CIAO3: variants seen among roughly 807,000 people sequenced by gnomAD.
CIAO3 encodes the protein cytosolic iron-sulfur assembly component 3, also known as LET1 like/JFP15.
A neutral mutation model predicts 51.5 loss-of-function variants in CIAO3; 45 were observed. That is an observed-to-expected ratio of 0.87 (90% CI 0.69 to 1.12). The LOEUF is 1.12. Among genes scored for constraint, CIAO3 ranks in the 50% most tolerant of loss-of-function variants. The probability of loss-of-function intolerance (pLI) is 0.00; values close to 1 mark genes in which losing one functional copy is unlikely to be tolerated. For synonymous variants in CIAO3, 314 were observed against 269.3 expected, an observed-to-expected ratio of 1.17 and a Z score of -1.63; for missense variants, 668 against 632.5, an observed-to-expected ratio of 1.06 and a Z score of -0.60.
intron 2 of CIAO3, chr16:739,267 C>G (rs897844192): frequency 4.3e-6 from 1 of 230,928 alleles, no homozygotes; most frequent in African/African-American, 2.3e-5. Flanking sequence ...CCACTGCACT[C>G]CAGCCTGGGC....
chr16:734,948 A>G (rs1596673043), intron 4 of CIAO3, 77 bp from the exon 5 acceptor site: 7 of 1,457,382 alleles, frequency 4.8e-6, no homozygotes, highest in Non-Finnish European at 4.5e-6. Flanking sequence ...GTGGACCACC[A>G]TGGTGCTGCC....
At chr16:739,437 G>C in intron 2 of CIAO3, 1 of 604,812 alleles carries the variant, frequency 1.7e-6, no homozygotes, top group Non-Finnish European at 3.0e-6. Context: ...AGCAGATCAA[G>C]CTGTTTGGCC....
At position 737,279 on chromosome 16, in the gene CIAO3, GCA is replaced by G. The variant is rs773663542; in HGVS notation, c.211_212del (p.Cys71ProfsTer30). The stretch of plus-strand genomic sequence containing the variant: ...AGGTGATGCAGCCGCTGCACGCCAG[GCA>G]GTCGTTTAGCGAGACCTTGGCCTTC... ...LEKAKVSLND[C>X]LACSGCITSA... On this transcript the variant is annotated frameshift_variant, in exon 3 of 11. Coordinates refer to ENST00000251588, the MANE Select transcript of CIAO3 (RefSeq NM_022493.3). LOFTEE classifies it high-confidence loss of function. This position sits in a 1 kb window ranked among gnomAD's most constrained non-coding sequence, Gnocchi z 5.3. 13 of 1,613,348 alleles carry G rather than the reference GCA, an allele frequency of 8.1e-6. No individual in the cohort carries two copies. The highest frequency in any genetic ancestry group is 1.1e-5 in the Non-Finnish European group (13 of 1,180,024).
chr16:730,760 C>A, intron 10 of CIAO3, 83 bp downstream of exon 10: 2 of 1,584,508 alleles, frequency 1.3e-6, no homozygotes, highest in South Asian at 1.1e-5. Flanking sequence ...GCCCCACTTC[C>A]TCCCACTCCC....
chr16:736,081 G>A (rs906755897), intron 4 of CIAO3, among the ~76,000 whole-genome samples, 185 bp downstream of exon 4: 3 of 152,194 alleles, frequency 2.0e-5, no homozygotes, highest in Non-Finnish European at 4.4e-5. Context: ...TGTTCTGTGA[G>A]AAGGCCCTGC....
At chr16:735,745 G>C (rs546667662) in intron 4 of CIAO3, among the ~76,000 whole-genome samples, 1 of 152,214 alleles carries the variant, frequency 6.6e-6, no homozygotes, top group Non-Finnish European at 1.5e-5. Flanking sequence ...CAGGCAGTCT[G>C]CTGGTTACAA....
chr16:736,278 A>T lies in CIAO3; in HGVS notation c.427T>A (p.Phe143Ile). The T allele has an allele frequency of 6.2e-7, 1 of 1,612,776 alleles. No individual in the cohort carries two copies. The highest frequency in any genetic ancestry group is 8.5e-7 in the Non-Finnish European group (1 of 1,179,754). ...TDTARKLTSFFKKIGVHFVFD... is the reference protein window; with the variant it reads ...TDTARKLTSFIKKIGVHFVFD... ...GTTCAAAGCCTACCTATTTTTTTAA[A>T]GAATGAGGTTAATTTCCTGGCAGTA... The change falls in exon 4 of 11, where the codon TTT becomes ATT. Residue 143 changes from phenylalanine (F) to isoleucine (I), a missense_variant. Coordinates refer to ENST00000251588, the MANE Select transcript of CIAO3 (RefSeq NM_022493.3).
At chr16:733,134 A>T in intron 7 of CIAO3, 164 bp downstream of exon 7, 1 of 868,454 alleles carries the variant, frequency 1.2e-6, no homozygotes, top group Non-Finnish European at 1.7e-6. Context: ...AAATGGGCCC[A>T]CCTGGCTCCA....
intron 7 of CIAO3, chr16:732,982 G>C: frequency 2.7e-6 from 1 of 366,448 alleles, no homozygotes. Flanking sequence ...GGGGCTGCTC[G>C]ACTCAGGAAT....
At position 732,427 on chromosome 16, in the gene CIAO3, T is replaced by A. The variant is rs1373272196; in HGVS notation, c.824-54A>T. 14 of 1,594,128 alleles carry A rather than the reference T, an allele frequency of 8.8e-6. No individual in the cohort carries two copies. In the African/African-American group the frequency reaches 1.9e-4, roughly 21 times the overall value. On this transcript the variant is annotated intron_variant, in intron 7 of 10. Coordinates refer to ENST00000251588, the MANE Select transcript of CIAO3 (RefSeq NM_022493.3). ...TTTAGCGGAGATCCCAGCAACAAAG[T>A]CAGAGAACATCCAAGCCACCTGCAT...
intron 7 of CIAO3, 167 bp downstream of exon 7, chr16:733,131 C>T: frequency 1.2e-6 from 1 of 836,654 alleles, no homozygotes; most frequent in East Asian, 2.7e-5. Context: ...TGCAAATGGG[C>T]CCACCTGGCT....
Position 737,281 on chromosome 16 carries a change from A to G in CIAO3, c.211T>C (p.Cys71Arg), listed in dbSNP as rs1217331092. 1.1e-5 allele frequency: 17 copies of G among 1,613,324 alleles called. No individual in the cohort carries two copies. Among genetic ancestry groups the G allele is most frequent in the Non-Finnish European group, 1.4e-5 (16 of 1,179,992 alleles). Residue 71 changes from cysteine to arginine, a missense_variant, in exon 3 of 11, where the codon TGC (cysteine) becomes CGC (arginine). Transcript: ENST00000251588. The surrounding 1 kb of genome is among the most constrained non-coding windows in gnomAD (Gnocchi z 5.3). ...LEKAKVSLND[C>R]LACSGCITSA... is the part of the protein sequence containing the mutation. ...GTGATGCAGCCGCTGCACGCCAGGC[A>G]GTCGTTTAGCGAGACCTTGGCCTTC... is the stretch of plus-strand genomic sequence containing the variant.
intron 7 of CIAO3, 31 bp downstream of exon 7, chr16:733,267 G>C (rs758430374): frequency 6.2e-7 from 1 of 1,610,450 alleles, no homozygotes; most frequent in Non-Finnish European, 8.5e-7. Context: ...CAGGAGGCTT[G>C]AGGGCTCAGG....
In CIAO3 at chr16:737,499, C is replaced by G; in HGVS notation, c.163-170G>C. 6.6e-7 allele frequency: 1 copy of G among 1,524,600 alleles called. No homozygotes were observed. The highest frequency in any genetic ancestry group is 8.8e-7 in the Non-Finnish European group (1 of 1,139,982). The allele number at this position is 1,524,600 out of a possible 1,614,324, so 94.4% of individuals were successfully genotyped here. ...TGTATTACAAAAATGCACACGCACG[C>G]TCTACAGTTTCATAATGCCGTCAAG... On this transcript the variant is annotated intron_variant, in intron 2 of 10. Coordinates refer to ENST00000251588, the MANE Select transcript of CIAO3 (RefSeq NM_022493.3). This position sits in a 1 kb window ranked among gnomAD's most constrained non-coding sequence, Gnocchi z 5.3.
chr16:735,323 G>A, intron 4 of CIAO3: 1 of 162,016 alleles, frequency 6.2e-6, no homozygotes, highest in Non-Finnish European at 1.3e-5. Flanking sequence ...CCTGGAACAC[G>A]CCAGCCAGCT....
Position 737,471 on chromosome 16 carries a change from G to A in CIAO3, c.163-142C>T, listed in dbSNP as rs555992643. On this transcript the variant is annotated intron_variant, in intron 2 of 10. Coordinates refer to ENST00000251588, the MANE Select transcript of CIAO3 (RefSeq NM_022493.3). This position sits in a 1 kb window ranked among gnomAD's most constrained non-coding sequence, Gnocchi z 5.3. The stretch of plus-strand genomic sequence containing the variant: ...GTGCCGCTGAATTTTTAAAAATTAG[G>A]TATGTATTACAAAAATGCACACGCA... 5 of 1,528,910 alleles carry A rather than the reference G, an allele frequency of 3.3e-6. No homozygotes were observed. In the South Asian group the frequency reaches 4.8e-5, roughly 15 times the overall value. The allele number at this position is 1,528,910 out of a possible 1,614,324, so 94.7% of individuals were successfully genotyped here. A position where few individuals can be genotyped will look rare whatever the true frequency, so the allele number is the denominator to read the frequency against.
chr16:738,982 G>A (rs2041365871), intron 2 of CIAO3, among the ~76,000 whole-genome samples: 1 of 148,978 alleles, frequency 6.7e-6, no homozygotes, highest in Admixed American at 6.7e-5. Flanking sequence ...ATCACTTAGA[G>A]AGGAAGTACT....
At chr16:739,314 C>CA (rs2041369203) in intron 2 of CIAO3, 25 of 330,976 alleles carry the variant, frequency 7.6e-5, no homozygotes, top group South Asian at 7.2e-4. Context: ...AACAAACAAA[C>CA]AAACAAACAA....
In CIAO3 at chr16:734,781, G is replaced by C. The variant is rs2041321235; in HGVS notation, c.530C>G (p.Ala177Gly). ...REFVRRFRGQ[A>G]DCRQALPLLA... ...CAGGGGCAGCGCCTGTCTGCAGTCG[G>C]CCTGTCCTCGGAATCGCCGCACAAA... Residue 177 changes from alanine (A) to glycine (G), a missense_variant, in exon 5 of 11, where the codon GCC (alanine) becomes GGC (glycine). Transcript: ENST00000251588. 6.2e-7 allele frequency: 1 copy of C among 1,610,574 alleles called. No individual in the cohort carries two copies. The highest frequency in any genetic ancestry group is 8.5e-7 in the Non-Finnish European group (1 of 1,178,154).
Sources: allele counts gnomAD v4.1 joint callset (sites outside exome capture counted in the v4.1 genomes callset), GRCh38; gene constraint gnomAD v4.1.1; non-coding constraint Gnocchi (gnomAD v3.1); transcripts MANE v1.5; gene names NCBI Gene and HGNC (gene_info 2026-07-23, HGNC 2026-07-21).